CALCOCO2: variants seen among roughly 807,000 people sequenced by gnomAD.
The protein encoded by CALCOCO2 is calcium-binding and coiled-coil domain-containing protein 2.
Under a neutral mutation model 62.5 loss-of-function variants are expected in CALCOCO2, and 42 were observed. The ratio of observed to expected loss-of-function variants is 0.67; its 90% CI spans 0.53 to 0.87. The LOEUF is 0.87. CALCOCO2 is among the 40% of genes least tolerant of loss of function. The pLI, the probability that CALCOCO2 is intolerant of heterozygous loss-of-function variation, is 0.00. For synonymous variants in CALCOCO2, 167 were observed against 173.0 expected (o/e 0.97, Z 0.27); for missense variants, 456 against 515.0 (o/e 0.89, Z 1.11).
intron 2 of CALCOCO2, chr17:48,843,842 T>G (rs1014945289): frequency 1.4e-4 from 22 of 152,224 alleles, no homozygotes; most frequent in African/African-American, 4.8e-4. Flanking sequence ...TGTTAAGCAC[T>G]TGAAATGTGG....
chr17:48,842,164 T>C (rs1326735748), intron 2 of CALCOCO2: 4 of 198,086 alleles, frequency 2.0e-5, no homozygotes, highest in African/African-American at 9.4e-5. Flanking sequence ...CTTTTTTTTT[T>C]TTTTTTTTTG....
In CALCOCO2 at chr17:48,860,321, A is replaced by G. The variant is rs1219480758; in HGVS notation, c.1016A>G (p.Lys339Arg). Residue 339 changes from lysine (K) to arginine (R), a missense_variant, in exon 11 of 13, where the codon AAG becomes AGG. Physicochemically the swap from Lys to Arg is conservative, Grantham distance 26. Around this residue, in one of 3 missense-constraint regions of CALCOCO2, gnomAD observed 172 missense variants for 210.3 expected, o/e 0.82. Coordinates refer to ENST00000258947, the MANE Select transcript of CALCOCO2 (RefSeq NM_005831.5). The stretch of plus-strand genomic sequence containing the variant: ...TAAATCCTCTATCCTTAGCTTTTGA[A>G]GAGGGAGAACAGCAGATTGCTCAGT... ...ERLEGENDLL[K>R]RENSRLLSYM... is the part of the protein sequence containing the mutation. 6.2e-7 allele frequency: 1 copy of G among 1,613,638 alleles called. No homozygotes were observed. Among genetic ancestry groups the G allele is most frequent in the African/African-American group, 1.3e-5 (1 of 75,020 alleles).
In CALCOCO2 at chr17:48,841,811, G is replaced by A; in HGVS notation, c.104G>A (p.Gly35Glu). Residue 35 changes from glycine (G) to glutamate (E), a missense_variant, in exon 2 of 13, where the codon GGA (glycine) becomes GAA (glutamate). Physicochemically the swap from Gly to Glu is moderately conservative, Grantham distance 98 (BLOSUM62 -2). This residue lies in a region of CALCOCO2 where 48 missense variants were observed against 79.3 expected (regional missense o/e 0.61). Coordinates refer to ENST00000258947, the MANE Select transcript of CALCOCO2 (RefSeq NM_005831.5). ...AGTGTGGAGAAGTTCTACATCCCTGGAGGGGACGTCACATGTCATTATACC... is the reference window on the plus strand; with the variant it reads ...AGTGTGGAGAAGTTCTACATCCCTGAAGGGGACGTCACATGTCATTATACC... ...FNSVEKFYIP[G>E]GDVTCHYTFT... 2 of 1,613,580 alleles carry A rather than the reference G, an allele frequency of 1.2e-6. No homozygotes were observed. The highest frequency in any genetic ancestry group is 8.5e-7 in the Non-Finnish European group (1 of 1,179,558).
chr17:48,856,187 T>C lies in CALCOCO2; in HGVS notation c.1008T>C (p.Asp336=). Residue 336 remains aspartate, a splice_region_variant and synonymous_variant, in exon 10 of 13, where the codon GAT becomes GAC. Transcript: ENST00000258947. ...RQKERLEGEN[D]LLKRENSRLL... ...AAGAGAGATTGGAAGGAGAAAATGA[T>C]GTAAGTGTGTGAAAGAGGGTATAAA... 6.5e-7 allele frequency: 1 copy of C among 1,545,464 alleles called. No individual in the cohort carries two copies. Among genetic ancestry groups the C allele is most frequent in the Non-Finnish European group, 8.9e-7 (1 of 1,119,256 alleles).
At chr17:48,839,353 CTTTTT>C (rs71144529) in intron 1 of CALCOCO2, 31 of 130,306 alleles carry the variant, frequency 2.4e-4, no homozygotes, top group East Asian at 4.8e-4. Context: ...AATGGTTTCT[CTTTTT>C]TTTTTTTTTT....
rs1173840309 is a variant in CALCOCO2 at position 48,864,492 on chromosome 17, G to T, written c.*1487G>T. 3 of 153,764 alleles carry T rather than the reference G, an allele frequency of 2.0e-5. No individual in the cohort carries two copies. The highest frequency in any genetic ancestry group is 7.2e-5 in the African/African-American group (3 of 41,486). 9.5% of individuals were successfully genotyped at this position (153,764 alleles called of 1,614,324 possible). A position where few individuals can be genotyped will look rare whatever the true frequency, so the allele number is the denominator to read the frequency against. On this transcript the variant is annotated 3_prime_UTR_variant, in exon 13 of 13. Coordinates refer to ENST00000258947, the MANE Select transcript of CALCOCO2 (RefSeq NM_005831.5). ...ATTTGCCTAATTGAACTATAAGAAA[G>T]TAATAATTCCATTTTCTATCCCCTC...
rs779658320 is a variant in CALCOCO2, at chr17:48,851,193, A to G, written c.632+16A>G. 6.8e-7 allele frequency: 1 copy of G among 1,480,836 alleles called. No individual in the cohort carries two copies. Among genetic ancestry groups the G allele is most frequent in the Admixed American group, 1.7e-5 (1 of 59,830 alleles). The allele number at this position is 1,480,836 out of a possible 1,614,324, so 91.7% of individuals were successfully genotyped here. Reference sequence around the variant, plus strand: ...AGCTGCTTCAGTGAGTGCATCCCATAATTCTGGGAGGGGAAGAGCTGCTGT... The same window carrying G: ...AGCTGCTTCAGTGAGTGCATCCCATGATTCTGGGAGGGGAAGAGCTGCTGT... On this transcript the variant is annotated intron_variant, in intron 6 of 12. Transcript: ENST00000258947.
At chr17:48,846,071 C>CA in intron 2 of CALCOCO2, 1 of 1,472,728 alleles carries the variant, frequency 6.8e-7, no homozygotes, top group South Asian at 1.2e-5. Flanking sequence ...CTCATCACCC[C>CA]AGACACTGGT....
At chr17:48,858,074 T>TAGAATAGAATAGAA (rs1287542653) in intron 10 of CALCOCO2, among the ~76,000 whole-genome samples, 20 of 145,038 alleles carry the variant, frequency 1.4e-4, no homozygotes, top group Non-Finnish European at 1.8e-4. Flanking sequence ...TAGAATAGAA[T>TAGAATAGAATAGAA]TTTACCATCT....
chr17:48,855,452 A>G (rs1186779146), intron 9 of CALCOCO2, among the ~76,000 whole-genome samples: 2 of 152,208 alleles, frequency 1.3e-5, no homozygotes, highest in Non-Finnish European at 2.9e-5. Flanking sequence ...CACAACTAGT[A>G]GGCTTAGCTT....
chr17:48,849,306 G>C lies in CALCOCO2; in HGVS notation c.472G>C (p.Glu158Gln). 1 of 1,613,406 alleles carries C rather than the reference G, an allele frequency of 6.2e-7. No individual in the cohort carries two copies. The highest frequency in any genetic ancestry group is 1.7e-4 in the Middle Eastern group (1 of 6,046). ...HNKELCKENQ[E>Q]LKDSCISLQK... ...CAAGGAGCTTTGCAAAGAAAACCAG[G>C]AGCTGAAGGACAGCTGTATCAGCCT... is the stretch of plus-strand genomic sequence containing the variant. The change falls in exon 5 of 13, where the codon GAG (glutamate) becomes CAG (glutamine). Residue 158 changes from glutamate (E) to glutamine (Q), a missense_variant. Glu to Gln is a conservative substitution (Grantham distance 29). Coordinates refer to ENST00000258947, the MANE Select transcript of CALCOCO2 (RefSeq NM_005831.5).
intron 9 of CALCOCO2, among the ~76,000 whole-genome samples, chr17:48,855,331 A>G (rs765338088): frequency 4.6e-5 from 7 of 152,212 alleles, no homozygotes; most frequent in Non-Finnish European, 8.8e-5. Context: ...AGGAGCCTGC[A>G]GTCAGCATTG....
chr17:48,852,534 T>A lies in CALCOCO2; in HGVS notation c.731T>A (p.Met244Lys). 6.2e-7 allele frequency: 1 copy of A among 1,613,474 alleles called. No individual in the cohort carries two copies. Among genetic ancestry groups the A allele is most frequent in the Non-Finnish European group, 8.5e-7 (1 of 1,179,596 alleles). ...CAGCTGTCAACTCAAGAGAAAGAAA[T>A]GGAGAAGCTTGTTCAGGGAGATCAA... ...QAQLSTQEKEMEKLVQGDQDK... is the reference protein window; with the variant it reads ...QAQLSTQEKEKEKLVQGDQDK... Residue 244 changes from methionine to lysine, a missense_variant, in exon 8 of 13, where the codon ATG becomes AAG. Coordinates refer to ENST00000258947, the MANE Select transcript of CALCOCO2 (RefSeq NM_005831.5).
chr17:48,855,030 C>G (rs1324446309), intron 9 of CALCOCO2, among the ~76,000 whole-genome samples: 2 of 152,070 alleles, frequency 1.3e-5, no homozygotes, highest in Admixed American at 6.6e-5. Context: ...CCCAGGAAAG[C>G]AAGAGGTGCA....
rs1166348275 is a variant in CALCOCO2 at position 48,862,258 on chromosome 17, C to A, written c.1145-18C>A. On this transcript the variant is annotated intron_variant, in intron 11 of 12. Coordinates refer to ENST00000258947, the MANE Select transcript of CALCOCO2 (RefSeq NM_005831.5). ...ATGGTATTTTCTCATTGAATGAGAT[C>A]TTTTTTATTCTTTTCAGGTATCCAA... 2 of 1,540,024 alleles carry A rather than the reference C, an allele frequency of 1.3e-6. No individual in the cohort carries two copies. The highest frequency in any genetic ancestry group is 2.2e-5 in the East Asian group (1 of 44,634).
At chr17:48,858,120 G>C (rs756744995) in intron 10 of CALCOCO2, among the ~76,000 whole-genome samples, 2 of 150,664 alleles carry the variant, frequency 1.3e-5, no homozygotes, top group Non-Finnish European at 3.0e-5. Context: ...GTAGAGTTAA[G>C]TGCATCACAG....
rs2040207624 is a variant in CALCOCO2, at chr17:48,855,876, A to T, written c.913-216A>T. 1.8e-5 allele frequency: 5 copies of T among 281,894 alleles called. No homozygotes were observed. In the Admixed American group the frequency reaches 2.5e-4, roughly 14 times the overall value. The allele number at this position is 281,894 out of a possible 1,614,324, so 17.5% of individuals were successfully genotyped here. A position where few individuals can be genotyped will look rare whatever the true frequency, so the allele number is the denominator to read the frequency against. On this transcript the variant is annotated intron_variant, in intron 9 of 12. Transcript: ENST00000258947. ...CCTCAGCTAAACCAAAAAAAAAAAA[A>T]AAAAAATTGGCATCTTGATGCCAGC...
intron 10 of CALCOCO2, among the ~76,000 whole-genome samples, chr17:48,859,380 C>T (rs1299090177): frequency 6.6e-6 from 1 of 152,192 alleles, no homozygotes; most frequent in Non-Finnish European, 1.5e-5. Context: ...AGGAAGGTCA[C>T]TTGAAGCCAG....
chr17:48,861,651 A>ATG (rs5820731), intron 11 of CALCOCO2, among the ~76,000 whole-genome samples: 5 of 47,790 alleles, frequency 1.0e-4, no homozygotes, highest in Non-Finnish European at 1.9e-4. Context: ...ATATATATAT[A>ATG]TGTGTGTGTG....
Sources: gnomAD v4.1 joint callset for allele counts (sites outside exome capture counted in the v4.1 genomes callset) on GRCh38, gnomAD v4.1.1 for gene constraint, gnomAD v4.1.1 regional missense constraint, MANE v1.5 for transcripts, NCBI Gene and HGNC (gene_info 2026-07-23, HGNC 2026-07-21) for gene names.